SMARCA2: variants seen among roughly 807,000 people sequenced by gnomAD.
SMARCA2 encodes SWI/SNF related BAF chromatin remodeling complex subunit ATPase 2.
A neutral mutation model predicts 199.8 loss-of-function variants in SMARCA2; 61 were observed. That is an observed-to-expected ratio of 0.31 (90% CI 0.25 to 0.38). SMARCA2 has a LOEUF of 0.38. Among genes scored for constraint, SMARCA2 ranks in the 10% least tolerant of loss-of-function variants. The pLI, the probability that SMARCA2 is intolerant of heterozygous loss-of-function variation, is 1.00. For synonymous variants in SMARCA2, 935 were observed against 732.0 expected (o/e 1.28, Z -4.48); for missense variants, 1,344 against 2,012.2 (o/e 0.67, Z 6.35).
intron 28 of SMARCA2, among the ~76,000 whole-genome samples, chr9:2,163,675 C>G (rs1484369776): frequency 6.6e-6 from 1 of 152,192 alleles, no homozygotes; most frequent in Non-Finnish European, 1.5e-5. Flanking sequence ...GTCTGTTTCT[C>G]TGACCAGATG....
intron 22 of SMARCA2, 106 bp downstream of exon 22, chr9:2,101,722 TC>T: frequency 3.4e-6 from 2 of 582,942 alleles, no homozygotes; most frequent in Non-Finnish European, 6.1e-6. Context: ...CTTCCAGCCC[TC>T]TAAGGGCTCT....
intron 19 of SMARCA2, among the ~76,000 whole-genome samples, chr9:2,089,069 C>G (rs193047816): frequency 3.9e-5 from 6 of 152,098 alleles, no homozygotes; most frequent in Admixed American, 2.0e-4. Context: ...ACCATTCTGA[C>G]AGTAAGTGAA....
At position 2,064,529 on chromosome 9, in the gene SMARCA2, A is replaced by G. The variant is rs552419002; in HGVS notation, c.1692+3543A>G. Among the ~76,000 whole-genome samples, 41 of 152,350 alleles carry G rather than the reference A, an allele frequency of 2.7e-4. No homozygotes were observed. In the Middle Eastern group the frequency reaches 0.01, roughly 38 times the overall value. Reference sequence around the variant, plus strand: ...ATACGGTTATGTTTTTCTGAAAACAAATGTCTTTTTAAACCTTTACTGCAT... The same window carrying G: ...ATACGGTTATGTTTTTCTGAAAACAGATGTCTTTTTAAACCTTTACTGCAT... On this transcript the variant is annotated intron_variant, in intron 9 of 33. Coordinates refer to ENST00000349721, the MANE Select transcript of SMARCA2 (RefSeq NM_003070.5).
chr9:2,152,152 C>A (rs773950815), intron 27 of SMARCA2, among the ~76,000 whole-genome samples: 3 of 152,120 alleles, frequency 2.0e-5, no homozygotes, highest in Non-Finnish European at 4.4e-5. Flanking sequence ...AGGATGCTTC[C>A]GTGAAATTTC....
rs771081707 is a variant in SMARCA2 at position 2,191,306 on chromosome 9, TGACAAAGGCCGG to T, written c.4644_4655del (p.Arg1549_Gly1552del). The T allele has an allele frequency of 2.5e-5, 41 of 1,614,086 alleles. No individual in the cohort carries two copies. Among genetic ancestry groups the T allele is most frequent in the South Asian group, 1.2e-4 (11 of 91,076 alleles). ...TGAAAATTAAGCTCAATAAAAAAGA[TGACAAAGGCCGG>T]GACAAAGGGAAAGGCAAGAAAAGGC... On this transcript the variant is annotated inframe_deletion, in exon 33 of 34. Transcript: ENST00000349721.
intron 5 of SMARCA2, among the ~76,000 whole-genome samples, chr9:2,048,343 C>A (rs545959369): frequency 2.0e-5 from 3 of 152,110 alleles, no homozygotes; most frequent in Admixed American, 2.0e-4. Context: ...CTTACCGTGG[C>A]GAAGTTATGT....
intron 27 of SMARCA2, chr9:2,159,478 CA>C: frequency 9.2e-6 from 2 of 217,658 alleles, no homozygotes; most frequent in Non-Finnish European, 1.8e-5. Flanking sequence ...TACAAAATAC[CA>C]AAAAAGCATA....
intron 29 of SMARCA2, among the ~76,000 whole-genome samples, chr9:2,175,099 G>A (rs2129784515): frequency 6.6e-6 from 1 of 152,154 alleles, no homozygotes; most frequent in South Asian, 2.1e-4. Context: ...TGTAGAAATG[G>A]CCGGCTGAGG....
intron 9 of SMARCA2, among the ~76,000 whole-genome samples, chr9:2,061,812 C>G (rs1820605321): frequency 6.6e-6 from 1 of 152,106 alleles, no homozygotes; most frequent in Non-Finnish European, 1.5e-5. Flanking sequence ...AAATGCTTTT[C>G]AAAAAACAAT....
intron 27 of SMARCA2, chr9:2,158,950 C>T: frequency 6.2e-7 from 1 of 1,612,002 alleles, no homozygotes; most frequent in East Asian, 2.2e-5. Flanking sequence ...TGCATTCCTG[C>T]ATAAAACCTT....
In SMARCA2 at chr9:2,170,421, G is replaced by A. The variant is rs774515107; in HGVS notation, c.4202G>A (p.Cys1401Tyr). 13 of 1,614,124 alleles carry A rather than the reference G, an allele frequency of 8.1e-6. No individual in the cohort carries two copies. Among genetic ancestry groups the A allele is most frequent in the East Asian group, 2.2e-5 (1 of 44,880 alleles). Residue 1401 changes from cysteine (C) to tyrosine (Y), a missense_variant and splice_region_variant, in exon 29 of 34, where the codon TGT (cysteine) becomes TAT (tyrosine). This residue lies in a region of SMARCA2 where 151 missense variants were observed against 154.0 expected (regional missense o/e 0.98). Coordinates refer to ENST00000349721, the MANE Select transcript of SMARCA2 (RefSeq NM_003070.5). The surrounding 1 kb of genome is among the most constrained non-coding windows in gnomAD (Gnocchi z 4.7). Reference protein sequence around the residue: ...IDTVINYKDRCNVEKVPSNSQ... With the variant: ...IDTVINYKDRYNVEKVPSNSQ... ...GTGTTCTTTCTACTCTACCGCAGGT[G>A]TAACGTGGAGAAGGTGCCCAGTAAT... is the stretch of plus-strand genomic sequence containing the variant.
chr9:2,149,410 C>T (rs1396443895), intron 27 of SMARCA2, among the ~76,000 whole-genome samples: 3 of 151,384 alleles, frequency 2.0e-5, no homozygotes, highest in Non-Finnish European at 4.4e-5. Flanking sequence ...ATCCAAGCTA[C>T]TCAGGAGGCT....
intron 29 of SMARCA2, among the ~76,000 whole-genome samples, chr9:2,176,449 T>C (rs1422065004): frequency 3.3e-5 from 5 of 152,180 alleles, no homozygotes; most frequent in African/African-American, 7.2e-5. Flanking sequence ...GCCTTTCTTA[T>C]TGAGCTGAGT....
rs138760068 is a variant in SMARCA2, at chr9:2,191,407, G to A, written c.4736G>A (p.Arg1579His). 139 of 1,614,054 alleles carry A rather than the reference G, an allele frequency of 8.6e-5. No individual in the cohort carries two copies. The East Asian group carries it at 2.8e-3, about 33-fold the overall frequency. ...GACAGCGATGAGGAGCAGGATGAAC[G>A]TGTAAGTGTAGCCGACTGGGACTGA... ...DFDSDEEQDE[R>H]EQSEGSGTDD... Residue 1579 changes from arginine (R) to histidine (H), a missense_variant and splice_region_variant, in exon 33 of 34, where the codon CGT becomes CAT. By Grantham distance (29) the Arg-to-His change is conservative. Around this residue, in one of 18 missense-constraint regions of SMARCA2, gnomAD observed 155 missense variants for 121.1 expected, o/e 1.28. Coordinates refer to ENST00000349721, the MANE Select transcript of SMARCA2 (RefSeq NM_003070.5).
intron 9 of SMARCA2, 65 bp downstream of exon 9, chr9:2,061,051 G>A (rs1820569810): frequency 6.8e-7 from 1 of 1,467,504 alleles, no homozygotes; most frequent in African/African-American, 1.4e-5. Flanking sequence ...TTTAAGGCGA[G>A]TATTGCTCTT....
chr9:2,027,591 T>G (rs919159494), intron 1 of SMARCA2: 3 of 152,222 alleles, frequency 2.0e-5, no homozygotes, highest in South Asian at 2.1e-4. Flanking sequence ...GAAGGGAAAC[T>G]GAGCATGGCC....
chr9:2,088,274 T>C (rs756788096), intron 18 of SMARCA2, among the ~76,000 whole-genome samples: 1 of 152,216 alleles, frequency 6.6e-6, no homozygotes, highest in Non-Finnish European at 1.5e-5. Flanking sequence ...CTCTTTTCCA[T>C]AGAACTCAGC....
chr9:2,035,651 A>G (rs986355284), intron 3 of SMARCA2, among the ~76,000 whole-genome samples: 3 of 152,136 alleles, frequency 2.0e-5, no homozygotes, highest in Non-Finnish European at 2.9e-5. Flanking sequence ...ATTTTGTTCA[A>G]TTAGGTGTGG....
At chr9:2,157,405 C>G (rs1825422983) in intron 27 of SMARCA2, among the ~76,000 whole-genome samples, 1 of 152,174 alleles carries the variant, frequency 6.6e-6, no homozygotes, top group Non-Finnish European at 1.5e-5. Context: ...GCCCTGGGCT[C>G]TATAACCCCA....
Sources: gnomAD v4.1 joint callset for allele counts (sites outside exome capture counted in the v4.1 genomes callset) on GRCh38, gnomAD v4.1.1 for gene constraint, gnomAD v4.1.1 regional missense constraint, Gnocchi (gnomAD v3.1) non-coding constraint, MANE v1.5 for transcripts, NCBI Gene and HGNC (gene_info 2026-07-23, HGNC 2026-07-21) for gene names.